The following PDGFC variants were observed in gnomAD, a reference collection of about 807,000 sequenced individuals.
PDGFC encodes platelet derived growth factor C.
In PDGFC, 12 loss-of-function variants were observed where a neutral mutation model predicts 35.5. The ratio of observed to expected loss-of-function variants is 0.34; its 90% CI spans 0.22 to 0.55. The LOEUF (loss-of-function observed/expected upper bound fraction) is 0.55. PDGFC is among the 20% of genes least tolerant of loss of function. PDGFC has a pLI of 0.91. For synonymous variants in PDGFC, 159 were observed against 148.8 expected (o/e 1.07, Z -0.50); for missense variants, 322 against 412.4 (o/e 0.78, Z 1.90).
chr4:156,818,666 C>G (rs955112816), intron 2 of PDGFC, among the ~76,000 whole-genome samples: 2 of 151,836 alleles, frequency 1.3e-5, no homozygotes, highest in African/African-American at 4.8e-5. Context: ...GACTACCAGG[C>G]TAATTTTTTG....
intron 1 of PDGFC, among the ~76,000 whole-genome samples, chr4:156,853,159 T>G (rs531229230): frequency 6.6e-6 from 1 of 152,348 alleles, no homozygotes; most frequent in African/African-American, 2.4e-5. Flanking sequence ...CTGTTTGAAT[T>G]ATGGGTATTT....
intron 1 of PDGFC, among the ~76,000 whole-genome samples, chr4:156,877,504 C>A (rs1730142978): frequency 6.6e-6 from 1 of 152,022 alleles, no homozygotes; most frequent in Non-Finnish European, 1.5e-5. Flanking sequence ...AAAATTCTTT[C>A]TTCTTTACCG....
chr4:156,819,308 C>G (rs1732183333), intron 2 of PDGFC, among the ~76,000 whole-genome samples: 1 of 152,078 alleles, frequency 6.6e-6, no homozygotes, highest in South Asian at 2.1e-4. Flanking sequence ...AAGATGACAT[C>G]TAGTAATTTG....
intron 1 of PDGFC, among the ~76,000 whole-genome samples, chr4:156,904,503 T>C (rs1730867779): frequency 6.6e-6 from 1 of 152,084 alleles, no homozygotes; most frequent in African/African-American, 2.4e-5. Context: ...TAGCCTTCAT[T>C]TCTCTATTGC....
chr4:156,809,700 T>C (rs188646879), intron 3 of PDGFC, among the ~76,000 whole-genome samples: 2 of 129,692 alleles, frequency 1.5e-5, no homozygotes, highest in Non-Finnish European at 3.1e-5. Flanking sequence ...ATCTATGTAG[T>C]CACAAAATCA....
At chr4:156,849,195 G>A (rs2111078689) in intron 2 of PDGFC, among the ~76,000 whole-genome samples, 1 of 152,112 alleles carries the variant, frequency 6.6e-6, no homozygotes, top group Middle Eastern at 3.4e-3. Flanking sequence ...TACTCCTCTG[G>A]TAGTCTTCTA....
At chr4:156,934,215 G>A (rs940206287) in intron 1 of PDGFC, among the ~76,000 whole-genome samples, 1 of 152,166 alleles carries the variant, frequency 6.6e-6, no homozygotes, top group African/African-American at 2.4e-5. Context: ...TAAATGGTAT[G>A]GCCTATTGCA....
At chr4:156,827,836 C>A (rs1006229902) in intron 2 of PDGFC, among the ~76,000 whole-genome samples, 10 of 152,124 alleles carry the variant, frequency 6.6e-5, no homozygotes, top group African/African-American at 2.4e-4. Context: ...CAAGTAATAT[C>A]CAATCCATGG....
chr4:156,796,511 T>TTTG, intron 3 of PDGFC, among the ~76,000 whole-genome samples: 1 of 150,912 alleles, frequency 6.6e-6, no homozygotes, highest in African/African-American at 2.4e-5. Context: ...TTTTTTTTTT[T>TTTG]TTTTTACAAA....
At chr4:156,768,428 C>A (rs1309493342) in intron 4 of PDGFC, among the ~76,000 whole-genome samples, 2 of 151,884 alleles carry the variant, frequency 1.3e-5, no homozygotes, top group African/African-American at 2.4e-5. Context: ...TAGGCTCATA[C>A]AATTAGTGAA....
At chr4:156,867,311 C>A (rs934875289) in intron 1 of PDGFC, among the ~76,000 whole-genome samples, 1 of 152,078 alleles carries the variant, frequency 6.6e-6, no homozygotes, top group Non-Finnish European at 1.5e-5. Flanking sequence ...ATTGAAGCCC[C>A]GGCCCTTTGC....
intron 1 of PDGFC, among the ~76,000 whole-genome samples, chr4:156,968,213 T>C (rs1305688281): frequency 2.0e-5 from 3 of 152,166 alleles, no homozygotes; most frequent in African/African-American, 7.2e-5. Context: ...TTAGGGACTT[T>C]AGAATACTCA....
At chr4:156,892,017 C>T (rs531246065) in intron 1 of PDGFC, among the ~76,000 whole-genome samples, 1 of 152,150 alleles carries the variant, frequency 6.6e-6, no homozygotes. Flanking sequence ...TGTATCAAAC[C>T]AGCATTTACT....
chr4:156,965,770 T>C (rs1732451105), intron 1 of PDGFC, among the ~76,000 whole-genome samples: 1 of 152,032 alleles, frequency 6.6e-6, no homozygotes, highest in Admixed American at 6.6e-5. Flanking sequence ...TTACTCCAGG[T>C]CCTTCAAGTC....
chr4:156,763,324 A>C, intron 5 of PDGFC, 118 bp from the exon 6 acceptor site: 1 of 521,418 alleles, frequency 1.9e-6, no homozygotes, highest in Non-Finnish European at 3.5e-6. Context: ...ACATATTTTA[A>C]TTTTTCCTAG....
intron 3 of PDGFC, among the ~76,000 whole-genome samples, chr4:156,802,777 G>A (rs1310734762): frequency 6.6e-6 from 1 of 152,082 alleles, no homozygotes; most frequent in Admixed American, 6.6e-5. Flanking sequence ...ACAATAGTGG[G>A]CAAGCCCATC....
In PDGFC at chr4:156,831,751, T is replaced by A. The variant is rs571911333; in HGVS notation, c.314+18470A>T. On this transcript the variant is annotated intron_variant, in intron 2 of 5. Transcript: ENST00000502773. The stretch of plus-strand genomic sequence containing the variant: ...GCTACCACACCCGGCCAACCCTGTC[T>A]CTTGAAAAAAGAAAAAAAAATGTAA... Among the ~76,000 whole-genome samples the A allele has an allele frequency of 2.9e-3, 437 of 151,692 alleles. 3 individuals carry two copies. The highest frequency in any genetic ancestry group is 0.01 in the African/African-American group (414 of 41,332).
intron 4 of PDGFC, chr4:156,770,643 C>T (rs1730670945): frequency 6.6e-6 from 1 of 151,958 alleles, no homozygotes; most frequent in Admixed American, 6.6e-5. Flanking sequence ...ATAATTATCT[C>T]CTAAGAAAAC....
chr4:156,767,730 A>T, intron 5 of PDGFC, 43 bp downstream of exon 5: 14 of 1,261,568 alleles, frequency 1.1e-5, no homozygotes, highest in Non-Finnish European at 1.6e-5. Flanking sequence ...GTTCTAAGAC[A>T]TAAAATACCC....
Sources: gnomAD v4.1 joint callset for allele counts (sites outside exome capture counted in the v4.1 genomes callset) on GRCh38, gnomAD v4.1.1 for gene constraint, MANE v1.5 for transcripts, NCBI Gene and HGNC (gene_info 2026-07-23, HGNC 2026-07-21) for gene names.